Variants in ZBTB32 observed in about 807,000 individuals in gnomAD.
ZBTB32 encodes the protein zinc finger and BTB domain-containing protein 32.
Under a neutral mutation model 45.3 loss-of-function variants are expected in ZBTB32, and 28 were observed. That is an observed-to-expected ratio of 0.62 (90% confidence interval 0.46 to 0.85). ZBTB32 has a LOEUF of 0.85. Ranked by LOEUF, ZBTB32 falls within the 40% of genes least tolerant of loss-of-function variation. The probability of loss-of-function intolerance (pLI) is 0.00; values close to 1 mark genes in which losing one functional copy is unlikely to be tolerated. For synonymous variants in ZBTB32, 283 were observed against 255.7 expected, an observed-to-expected ratio of 1.11 and a Z score of -1.02; for missense variants, 587 against 624.4, an observed-to-expected ratio of 0.94 and a Z score of 0.64.
Position 35,715,366 on chromosome 19 carries a change from C to T in ZBTB32, c.740C>T (p.Pro247Leu). 2 of 1,611,962 alleles carry T rather than the reference C, an allele frequency of 1.2e-6. No homozygotes were observed. The highest frequency in any genetic ancestry group is 1.3e-5 in the African/African-American group (1 of 74,918). ...CTGCAAACCAGCGTCACCCCTAGGC[C>T]CTCGTGGGCTGAGGCCCCTTGGTTG... ...GSLQTSVTPR[P>L]SWAEAPWLVG... Residue 247 changes from proline to leucine, a missense_variant, in exon 3 of 7, where the codon CCC becomes CTC. Transcript: ENST00000392197.
At chr19:35,708,349 G>C (rs1162816652) in intron 1 of ZBTB32, among the ~76,000 whole-genome samples, 1 of 152,212 alleles carries the variant, frequency 6.6e-6, no homozygotes, top group Non-Finnish European at 1.5e-5. Context: ...TGGTCCAGAA[G>C]TGAGGTGGGA....
chr19:35,714,675 C>A lies in ZBTB32; in HGVS notation c.49C>A (p.Leu17Met), dbSNP rs1254827042. ...RLPSPYGSDR[L>M]VQLAARLRPA... ...GCCCAGCCCCTATGGCTCTGATCGG[C>A]TGGTACAGCTAGCAGCCAGGCTCCG... The change falls in exon 3 of 7, where the codon CTG (leucine) becomes ATG (methionine). Residue 17 changes from leucine (L) to methionine (M), a missense_variant. Leu to Met is a conservative substitution (Grantham distance 15). Coordinates refer to ENST00000392197, the MANE Select transcript of ZBTB32 (RefSeq NM_014383.3). 1 of 1,600,136 alleles carries A rather than the reference C, an allele frequency of 6.2e-7. No individual in the cohort carries two copies. The highest frequency in any genetic ancestry group is 1.7e-5 in the Admixed American group (1 of 58,814).
intron 1 of ZBTB32, among the ~76,000 whole-genome samples, chr19:35,706,176 C>T (rs1968535999): frequency 6.9e-6 from 1 of 145,510 alleles, no homozygotes; most frequent in South Asian, 2.2e-4. Flanking sequence ...TGCGGTGAGC[C>T]GAGATCGTGC....
intron 1 of ZBTB32, among the ~76,000 whole-genome samples, chr19:35,705,639 G>A (rs563120096): frequency 7.9e-5 from 12 of 152,254 alleles, no homozygotes; most frequent in East Asian, 5.8e-4. Context: ...GTGGCCAGGC[G>A]TGGTGGCTCA....
intron 1 of ZBTB32, among the ~76,000 whole-genome samples, chr19:35,707,610 C>T (rs549799986): frequency 5.3e-5 from 8 of 152,088 alleles, no homozygotes; most frequent in African/African-American, 7.2e-5. Context: ...CCTTGTGATC[C>T]GCCCACCTCG....
chr19:35,707,236 T>TGTATATTA (rs1407118692), intron 1 of ZBTB32, among the ~76,000 whole-genome samples: 1 of 149,814 alleles, frequency 6.7e-6, no homozygotes, highest in Admixed American at 6.7e-5. Context: ...ATGGTATGCA[T>TGTATATTA]GTATATTATG....
rs767265045 is a variant in ZBTB32 at position 35,715,380 on chromosome 19, G to T, written c.754G>T (p.Ala252Ser). Residue 252 changes from alanine (A) to serine (S), a missense_variant, in exon 3 of 7, where the codon GCC becomes TCC. Coordinates refer to ENST00000392197, the MANE Select transcript of ZBTB32 (RefSeq NM_014383.3). ...CACCCCTAGGCCCTCGTGGGCTGAG[G>T]CCCCTTGGTTGGTGGGGGGCCAGCC... ...SVTPRPSWAE[A>S]PWLVGGQPAL... 4 of 1,611,744 alleles carry T rather than the reference G, an allele frequency of 2.5e-6. No individual in the cohort carries two copies. In the South Asian group the frequency reaches 4.4e-5, roughly 18 times the overall value.
chr19:35,708,371 C>T (rs554350076), intron 1 of ZBTB32, among the ~76,000 whole-genome samples: 8 of 152,248 alleles, frequency 5.3e-5, no homozygotes, highest in East Asian at 1.9e-4. Flanking sequence ...CTCACAGTTC[C>T]GGGTAGGCAC....
Position 35,712,990 on chromosome 19 carries a change from A to G in ZBTB32, c.-148A>G, listed in dbSNP as rs1156571363. 1 of 152,244 alleles carries G rather than the reference A, an allele frequency of 6.6e-6. No individual in the cohort carries two copies. Among genetic ancestry groups the G allele is most frequent in the South Asian group, 2.1e-4 (1 of 4,836 alleles). The allele number at this position is 152,244 out of a possible 1,614,324, so 9.4% of individuals were successfully genotyped here. On this transcript the variant is annotated 5_prime_UTR_variant, in exon 2 of 7. Coordinates refer to ENST00000392197, the MANE Select transcript of ZBTB32 (RefSeq NM_014383.3). ...TACTGTGTACTTACAAACCACACTC[A>G]TATTCGTCACGTCATTTCATCTTCA... is the stretch of plus-strand genomic sequence containing the variant.
In ZBTB32 at chr19:35,705,722, C is replaced by A. The variant is rs572991431; in HGVS notation, c.-222+1099C>A. Among the ~76,000 whole-genome samples, 129 of 151,180 alleles carry A rather than the reference C, an allele frequency of 8.5e-4. 2 individuals carry two copies. The highest frequency in any genetic ancestry group is 1.4e-3 in the Non-Finnish European group (97 of 67,858). On this transcript the variant is annotated intron_variant, in intron 1 of 6. Coordinates refer to ENST00000392197, the MANE Select transcript of ZBTB32 (RefSeq NM_014383.3). Reference sequence around the variant, plus strand: ...GGTCAGGAGCTCGAGACCAGCCTGACCAACATGGTGAAACCCTGTCTCTAC... The same window carrying A: ...GGTCAGGAGCTCGAGACCAGCCTGAACAACATGGTGAAACCCTGTCTCTAC...
At chr19:35,713,298 T>C (rs902717267) in intron 2 of ZBTB32, 1 of 152,084 alleles carries the variant, frequency 6.6e-6, no homozygotes, top group Admixed American at 6.5e-5. Flanking sequence ...GAGGCAGGGT[T>C]AGAAAACCAC....
chr19:35,713,310 C>A (rs1467419745), intron 2 of ZBTB32: 1 of 152,220 alleles, frequency 6.6e-6, no homozygotes, highest in Non-Finnish European at 1.5e-5. Flanking sequence ...GAAAACCACA[C>A]CCCTTCGGGG....
At chr19:35,704,703 T>C (rs1225610558) in intron 1 of ZBTB32, 80 bp downstream of exon 1, 2 of 152,396 alleles carry the variant, frequency 1.3e-5, no homozygotes, top group African/African-American at 4.8e-5. Flanking sequence ...GGGGCTTGAC[T>C]GGACCTCGTT....
At chr19:35,712,418 T>C (rs1159425775) in intron 1 of ZBTB32, among the ~76,000 whole-genome samples, 1 of 152,210 alleles carries the variant, frequency 6.6e-6, no homozygotes. Context: ...GCCGTGATCG[T>C]ACCACTGGGC....
At chr19:35,708,821 T>C (rs1968613222) in intron 1 of ZBTB32, among the ~76,000 whole-genome samples, 1 of 148,530 alleles carries the variant, frequency 6.7e-6, no homozygotes, top group East Asian at 2.0e-4. Flanking sequence ...TTTTCTTTTT[T>C]CTTTTTTTTT....
chr19:35,708,806 T>C (rs1379605906), intron 1 of ZBTB32, among the ~76,000 whole-genome samples: 1 of 148,714 alleles, frequency 6.7e-6, no homozygotes. Context: ...CATCTTTTTT[T>C]TCTTTTTTCT....
rs1456979435 is a variant in ZBTB32 at position 35,715,115 on chromosome 19, G to A, written c.489G>A (p.Glu163=). The part of the protein sequence containing the change: ...QVSRTGGREQ[E]MLHKHSPPRG... ...CTAGAACTGGTGGGAGAGAACAGGA[G>A]ATGTTGCACAAGCACTCGCCACCAA... Residue 163 remains glutamate, a synonymous_variant, in exon 3 of 7, where the codon GAG becomes GAA. Transcript: ENST00000392197. The A allele has an allele frequency of 1.9e-6, 3 of 1,613,972 alleles. No homozygotes were observed. The highest frequency in any genetic ancestry group is 2.7e-5 in the African/African-American group (2 of 74,930).
chr19:35,708,946 G>A (rs1386871128), intron 1 of ZBTB32, among the ~76,000 whole-genome samples: 2 of 151,764 alleles, frequency 1.3e-5, no homozygotes, highest in Admixed American at 6.6e-5. Context: ...AGCCTCTCGA[G>A]TAGCTGGAAT....
At position 35,710,698 on chromosome 19, in the gene ZBTB32, A is replaced by G. The variant is rs545042427; in HGVS notation, c.-221-2219A>G. ...GAACCCAGAGGCAGAGGTTGCAGTG[A>G]GCCGAGATGGCGCCACTGCACTCCA... On this transcript the variant is annotated intron_variant, in intron 1 of 6. Coordinates refer to ENST00000392197, the MANE Select transcript of ZBTB32 (RefSeq NM_014383.3). Among the ~76,000 whole-genome samples, 20 of 152,324 alleles carry G rather than the reference A, an allele frequency of 1.3e-4. No homozygotes were observed. The South Asian group carries it at 3.9e-3, about 30-fold the overall frequency.
Sources: allele counts gnomAD v4.1 joint callset (sites outside exome capture counted in the v4.1 genomes callset), GRCh38; gene constraint gnomAD v4.1.1; transcripts MANE v1.5; gene names NCBI Gene and HGNC (gene_info 2026-07-23, HGNC 2026-07-21).